The following IKZF1 variants were observed in gnomAD, a reference collection of about 807,000 sequenced individuals.
IKZF1 encodes the protein DNA-binding protein Ikaros.
Under a neutral mutation model 51.7 loss-of-function variants are expected in IKZF1, and 10 were observed. The observed-to-expected ratio is 0.19, with a 90% CI of 0.12 to 0.33. IKZF1 has a LOEUF of 0.33. Among genes scored for constraint, IKZF1 ranks in the 10% least tolerant of loss-of-function variants. IKZF1 has a pLI of 1.00. For synonymous variants in IKZF1, 280 were observed against 282.3 expected (o/e 0.99, Z 0.08); for missense variants, 484 against 707.5 (o/e 0.68, Z 3.58).
At chr7:50,399,151 T>A (rs1817458656) in intron 7 of IKZF1, among the ~76,000 whole-genome samples, 1 of 152,190 alleles carries the variant, frequency 6.6e-6, no homozygotes, top group Admixed American at 6.5e-5. Flanking sequence ...AAATAACAGA[T>A]GAATAGCAAC....
chr7:50,368,104 C>T (rs1449830663), intron 3 of IKZF1: 4 of 700,412 alleles, frequency 5.7e-6, no homozygotes, highest in Non-Finnish European at 1.0e-5. Context: ...AAAAGCATGC[C>T]TTCATCTCCT....
intron 3 of IKZF1, among the ~76,000 whole-genome samples, chr7:50,366,404 A>G (rs1806967425): frequency 1.3e-5 from 2 of 152,196 alleles, no homozygotes; most frequent in South Asian, 4.1e-4. Context: ...TACATTTTCT[A>G]CTGGTGAGAC....
Position 50,387,356 on chromosome 7 carries a change from C to T in IKZF1, c.601C>T (p.His201Tyr). The T allele has an allele frequency of 6.2e-7, 1 of 1,613,452 alleles. No homozygotes were observed. The highest frequency in any genetic ancestry group is 8.5e-7 in the Non-Finnish European group (1 of 1,179,678). Reference sequence around the variant, plus strand: ...TGTGTTTTCTGCAGTTGGTAAACCTCACAAATGTGGATATTGTGGCCGAAG... The same window carrying T: ...TGTGTTTTCTGCAGTTGGTAAACCTTACAAATGTGGATATTGTGGCCGAAG... ...HLRTHSVGKP[H>Y]KCGYCGRSYK... The change falls in exon 6 of 8, where the codon CAC becomes TAC. Residue 201 changes from histidine to tyrosine, a missense_variant. His to Tyr is a moderately conservative substitution (Grantham distance 83). Transcript: ENST00000331340.
chr7:50,340,164 AG>A (rs1270766920), intron 3 of IKZF1, among the ~76,000 whole-genome samples: 1 of 152,226 alleles, frequency 6.6e-6, no homozygotes, highest in East Asian at 1.9e-4. Flanking sequence ...CCACTGTGGA[AG>A]GGCTGGGGAT....
chr7:50,358,854 G>C (rs1804336405), intron 3 of IKZF1, among the ~76,000 whole-genome samples: 2 of 63,142 alleles, frequency 3.2e-5, no homozygotes. Context: ...AAAGTCCTTG[G>C]AGTTTTTTTT....
intron 5 of IKZF1, among the ~76,000 whole-genome samples, chr7:50,385,720 T>G (rs1019461653): frequency 1.3e-5 from 2 of 152,266 alleles, no homozygotes; most frequent in Admixed American, 6.5e-5. Flanking sequence ...TGGAATTTAC[T>G]GAAGTGACAG....
intron 3 of IKZF1, among the ~76,000 whole-genome samples, chr7:50,336,389 G>A (rs1797789060): frequency 6.6e-6 from 1 of 152,192 alleles, no homozygotes; most frequent in African/African-American, 2.4e-5. Context: ...CTTTAGGAAG[G>A]GGTGGAGGTG....
At chr7:50,364,319 G>T (rs1294293845) in intron 3 of IKZF1, among the ~76,000 whole-genome samples, 1 of 152,236 alleles carries the variant, frequency 6.6e-6, no homozygotes. Flanking sequence ...ATAGGATTCA[G>T]AATCCAAGGT....
At chr7:50,323,681 A>G (rs999892086) in intron 2 of IKZF1, among the ~76,000 whole-genome samples, 6 of 152,170 alleles carry the variant, frequency 3.9e-5, no homozygotes, top group African/African-American at 1.4e-4. Flanking sequence ...ATTCTATTTA[A>G]ACACTTGATG....
Position 50,400,961 on chromosome 7 carries a change from T to G in IKZF1, c.*334T>G. The G allele has an allele frequency of 2.4e-6, 1 of 421,500 alleles. No homozygotes were observed. The highest frequency in any genetic ancestry group is 4.3e-6 in the Non-Finnish European group (1 of 231,982). 26.1% of individuals were successfully genotyped at this position (421,500 alleles called of 1,614,324 possible). On this transcript the variant is annotated 3_prime_UTR_variant, in exon 8 of 8. Coordinates refer to ENST00000331340, the MANE Select transcript of IKZF1 (RefSeq NM_006060.6). This position sits in a 1 kb window ranked among gnomAD's most constrained non-coding sequence, Gnocchi z 5.4. ...ATTAGTCTAAATTTTCAGAGAGAAA[T>G]AGATAAAACACGCCACAGCCTGGGA...
Position 50,368,183 on chromosome 7 carries a change from A to C in IKZF1, c.161-8350A>C, listed in dbSNP as rs778717141. On this transcript the variant is annotated intron_variant, in intron 3 of 7. Coordinates refer to ENST00000331340, the MANE Select transcript of IKZF1 (RefSeq NM_006060.6). ...AGATACATTAAATATTCACTGTTCT[A>C]TTCGTTAGACACCTACCATATCATT... 202 of 703,182 alleles carry C rather than the reference A, an allele frequency of 2.9e-4. No homozygotes were observed. Among genetic ancestry groups the C allele is most frequent in the Non-Finnish European group, 4.6e-4 (178 of 385,080 alleles). The allele number at this position is 703,182 out of a possible 1,614,324, so 43.6% of individuals were successfully genotyped here.
intron 1 of IKZF1, among the ~76,000 whole-genome samples, chr7:50,311,581 T>C (rs1172513877): frequency 1.3e-5 from 2 of 152,252 alleles, no homozygotes; most frequent in African/African-American, 2.4e-5. Flanking sequence ...AAATAAAATA[T>C]AGCTTTTGCC....
chr7:50,309,380 TC>T (rs1245661271), intron 1 of IKZF1, among the ~76,000 whole-genome samples: 1 of 152,142 alleles, frequency 6.6e-6, no homozygotes, highest in Non-Finnish European at 1.5e-5. Context: ...TGTCTGGTCT[TC>T]CTTTCTTCGT....
At chr7:50,370,893 A>T (rs78993037) in intron 3 of IKZF1, among the ~76,000 whole-genome samples, 3,589 of 152,300 alleles carry the variant, frequency 0.024, 161 homozygotes, top group African/African-American at 0.081. Context: ...AGGGAGATGT[A>T]CCATTTCACT....
chr7:50,330,793 G>A (rs905259801), intron 3 of IKZF1, among the ~76,000 whole-genome samples: 7 of 152,194 alleles, frequency 4.6e-5, no homozygotes, highest in African/African-American at 1.7e-4. Context: ...TCAGTGCAAA[G>A]GACTGTAAGG....
intron 3 of IKZF1, among the ~76,000 whole-genome samples, chr7:50,335,428 T>C: frequency 8.6e-6 from 1 of 116,738 alleles, no homozygotes; most frequent in African/African-American, 3.7e-5. Flanking sequence ...TGTGTATGTG[T>C]GTATGGGATG....
intron 3 of IKZF1, among the ~76,000 whole-genome samples, chr7:50,329,929 G>A (rs1007487433): frequency 2.0e-5 from 3 of 152,234 alleles, no homozygotes; most frequent in African/African-American, 7.2e-5. Flanking sequence ...AAGTCAGGCC[G>A]ATTCCTGGAG....
intron 1 of IKZF1, among the ~76,000 whole-genome samples, chr7:50,311,683 G>A (rs1412320730): frequency 6.6e-6 from 1 of 152,142 alleles, no homozygotes; most frequent in African/African-American, 2.4e-5. Context: ...AATGTTACGG[G>A]TATACAAGTG....
rs148288992 is a variant in IKZF1 at position 50,314,645 on chromosome 7, A to G, written c.-14-4403A>G. 1.7e-3 allele frequency among the ~76,000 whole-genome samples: 265 copies of G among 152,314 alleles called. 2 individuals are homozygous for G. The highest frequency in any genetic ancestry group is 6.2e-3 in the African/African-American group (256 of 41,562). ...TAGACTCAGCTTGTCAGAATTATGG[A>G]AGAGACTCCTTGTGTCAGGGCAAGC... On this transcript the variant is annotated intron_variant, in intron 1 of 7. Transcript: ENST00000331340.
Sources: allele counts gnomAD v4.1 joint callset (sites outside exome capture counted in the v4.1 genomes callset), GRCh38; gene constraint gnomAD v4.1.1; non-coding constraint Gnocchi (gnomAD v3.1); transcripts MANE v1.5; gene names NCBI Gene and HGNC (gene_info 2026-07-23, HGNC 2026-07-21).